Variants in RGS6 observed in about 807,000 individuals in gnomAD.
The protein encoded by RGS6 is regulator of G-protein signaling 6.
A neutral mutation model predicts 78.5 loss-of-function variants in RGS6; 30 were observed. The observed-to-expected ratio is 0.38, with a 90% CI of 0.29 to 0.52. The LOEUF (loss-of-function observed/expected upper bound fraction) is 0.52, where lower values mean the gene tolerates loss of function less well. Among genes scored for constraint, RGS6 ranks in the 20% least tolerant of loss-of-function variants. RGS6 has a pLI of 0.85. For missense variants in RGS6, 495 were observed against 609.7 expected, an observed-to-expected ratio of 0.81 and a Z score of 1.98; for synonymous variants, 206 against 206.0, an observed-to-expected ratio of 1.00 and a Z score of 0.00.
intron 17 of RGS6, chr14:72,547,270 G>C: frequency 6.5e-7 from 1 of 1,535,646 alleles, no homozygotes; most frequent in Non-Finnish European, 8.7e-7. Flanking sequence ...CCAATGTCAC[G>C]GTCAAGGAGA....
chr14:72,065,734 G>T (rs1370391811), intron 2 of RGS6, among the ~76,000 whole-genome samples: 1 of 151,936 alleles, frequency 6.6e-6, no homozygotes, highest in African/African-American at 2.4e-5. Flanking sequence ...TACATGAATT[G>T]GCTTTTGAAA....
chr14:72,427,459 A>C (rs1284027462), intron 3 of RGS6, among the ~76,000 whole-genome samples: 2 of 152,178 alleles, frequency 1.3e-5, no homozygotes, highest in African/African-American at 4.8e-5. Context: ...TAATTAGCCT[A>C]CCCTAACTGA....
chr14:72,559,108 G>C (rs987186192), intron 17 of RGS6, among the ~76,000 whole-genome samples: 1 of 152,206 alleles, frequency 6.6e-6, no homozygotes, highest in South Asian at 2.1e-4. Flanking sequence ...TTCTGAAGTG[G>C]TTCCTTCAGG....
intron 3 of RGS6, among the ~76,000 whole-genome samples, chr14:72,399,731 G>A (rs2092099287): frequency 6.6e-6 from 1 of 152,080 alleles, no homozygotes; most frequent in African/African-American, 2.4e-5. Context: ...GCCTGGTGGT[G>A]ACAAAATCTC....
the RGS6 span, among the ~76,000 whole-genome samples, chr14:71,878,365 C>G: frequency 2.6e-5 from 4 of 152,340 alleles, no homozygotes; most frequent in South Asian, 2.1e-4. Flanking sequence ...TTTACCCACT[C>G]AAGCCTCAGC....
intron 2 of RGS6, among the ~76,000 whole-genome samples, chr14:72,154,650 C>T (rs185422640): frequency 9.8e-5 from 15 of 152,350 alleles, no homozygotes; most frequent in Non-Finnish European, 1.5e-4. Context: ...CGGCATCAGG[C>T]TCCAGCCAAC....
At chr14:72,228,226 A>G (rs573324873) in intron 2 of RGS6, among the ~76,000 whole-genome samples, 2 of 152,168 alleles carry the variant, frequency 1.3e-5, no homozygotes, top group South Asian at 4.2e-4. Context: ...TAAAAATACA[A>G]AAAAATTAGC....
chr14:72,548,298 A>G (rs921863885), intron 17 of RGS6, among the ~76,000 whole-genome samples: 1 of 151,634 alleles, frequency 6.6e-6, no homozygotes, highest in African/African-American at 2.4e-5. Context: ...TGATGGGTCA[A>G]AAACAGATAG....
chr14:71,887,828 G>T, the RGS6 span, among the ~76,000 whole-genome samples: 1 of 152,076 alleles, frequency 6.6e-6, no homozygotes, highest in African/African-American at 2.4e-5. Flanking sequence ...TTTGCCCTTT[G>T]TCCTGTTCCC....
chr14:72,530,245 G>A (rs1756996550), intron 15 of RGS6, among the ~76,000 whole-genome samples: 5 of 152,206 alleles, frequency 3.3e-5, no homozygotes, highest in African/African-American at 7.2e-5. Context: ...TTGGAGAAGG[G>A]TCTGGAGAGG....
chr14:72,537,946 C>T (rs952036341), intron 16 of RGS6, among the ~76,000 whole-genome samples: 31 of 152,304 alleles, frequency 2.0e-4, no homozygotes, highest in African/African-American at 7.2e-4. Flanking sequence ...AAGAAAACCT[C>T]TCAGAGGAGG....
intron 2 of RGS6, among the ~76,000 whole-genome samples, chr14:72,037,768 A>T (rs1371198106): frequency 2.6e-5 from 4 of 152,200 alleles, no homozygotes; most frequent in African/African-American, 9.7e-5. Context: ...AATACACGTT[A>T]CAGGGTGTGT....
At chr14:71,988,986 G>A (rs529995253) in intron 2 of RGS6, among the ~76,000 whole-genome samples, 4 of 152,162 alleles carry the variant, frequency 2.6e-5, no homozygotes, top group Non-Finnish European at 2.9e-5. Flanking sequence ...TAAAAAACAG[G>A]CATATTGAGC....
At chr14:71,952,540 A>C (rs747868966) in intron 1 of RGS6, among the ~76,000 whole-genome samples, 6 of 151,028 alleles carry the variant, frequency 4.0e-5, no homozygotes, top group Non-Finnish European at 5.9e-5. Context: ...GGTACTGTAA[A>C]TTCAAATTGT....
intron 4 of RGS6, among the ~76,000 whole-genome samples, chr14:72,455,305 C>T (rs1017616346): frequency 6.6e-6 from 1 of 152,230 alleles, no homozygotes; most frequent in African/African-American, 2.4e-5. Context: ...TAAAGATCCA[C>T]TAATACACTC....
intron 2 of RGS6, among the ~76,000 whole-genome samples, chr14:72,054,159 AT>A (rs1342473064): frequency 6.6e-6 from 1 of 152,242 alleles, no homozygotes; most frequent in African/African-American, 2.4e-5. Context: ...TGTGTCAGAG[AT>A]TACATTATAT....
intron 2 of RGS6, among the ~76,000 whole-genome samples, chr14:72,106,070 C>T (rs1352827198): frequency 1.3e-5 from 2 of 152,130 alleles, no homozygotes; most frequent in Non-Finnish European, 2.9e-5. Flanking sequence ...GGATATTTAA[C>T]AAACATATGA....
chr14:72,061,820 G>A (rs141601025), intron 2 of RGS6, among the ~76,000 whole-genome samples: 1 of 152,158 alleles, frequency 6.6e-6, no homozygotes, highest in Non-Finnish European at 1.5e-5. Context: ...ATGTGGGGAC[G>A]ACACATACTC....
At position 72,321,938 on chromosome 14, in the gene RGS6, A is replaced by G. The variant is rs115391330; in HGVS notation, c.85-30157A>G. 4.3e-3 allele frequency among the ~76,000 whole-genome samples: 651 copies of G among 152,120 alleles called. 4 individuals carry two copies. Among genetic ancestry groups the G allele is most frequent in the African/African-American group, 0.015 (630 of 41,568 alleles). On this transcript the variant is annotated intron_variant, in intron 2 of 17. Transcript: ENST00000553525. ...CAGAAAACCTAAATAAACTCCCCAA[A>G]TCAGAAATCACACTGATATTGTCCT...
Sources: gnomAD v4.1 joint callset for allele counts (sites outside exome capture counted in the v4.1 genomes callset) on GRCh38, gnomAD v4.1.1 for gene constraint, MANE v1.5 for transcripts, NCBI Gene and HGNC (gene_info 2026-07-23, HGNC 2026-07-21) for gene names.